FARS2: variants seen among roughly 807,000 people sequenced by gnomAD.
FARS2 encodes the protein phenylalanine--tRNA ligase, mitochondrial.
FARS2 carries 40 observed loss-of-function variants against 46.4 expected under a neutral mutation model. That is an observed-to-expected ratio of 0.86 (90% CI 0.67 to 1.12). The LOEUF (loss-of-function observed/expected upper bound fraction) is 1.12, where lower values mean the gene tolerates loss of function less well. Ranked by LOEUF, FARS2 falls within the 50% of genes most tolerant of loss-of-function variation. The pLI is 0.00. For synonymous variants in FARS2, 234 were observed against 214.9 expected, an observed-to-expected ratio of 1.09 and a Z score of -0.78; for missense variants, 513 against 567.9, an observed-to-expected ratio of 0.90 and a Z score of 0.98.
chr6:5,341,499 CTTTA>C (rs1771651209), intron 1 of FARS2, among the ~76,000 whole-genome samples: 1 of 150,748 alleles, frequency 6.6e-6, no homozygotes, highest in Non-Finnish European at 1.5e-5. Context: ...TTTATCATGA[CTTTA>C]TTTATTTATT....
At chr6:5,397,569 A>G (rs1374396896) in intron 2 of FARS2, among the ~76,000 whole-genome samples, 1 of 152,196 alleles carries the variant, frequency 6.6e-6, no homozygotes, top group Non-Finnish European at 1.5e-5. Flanking sequence ...ATATCTCTGT[A>G]TCTTCCTCTC....
intron 6 of FARS2, among the ~76,000 whole-genome samples, chr6:5,614,654 C>T (rs1455660393): frequency 6.6e-6 from 1 of 152,222 alleles, no homozygotes; most frequent in African/African-American, 2.4e-5. Context: ...CCGCCTGGGC[C>T]TCCCAAAGTG....
At chr6:5,562,855 G>A (rs1375438227) in intron 5 of FARS2, among the ~76,000 whole-genome samples, 1 of 148,802 alleles carries the variant, frequency 6.7e-6, no homozygotes, top group African/African-American at 2.5e-5. Flanking sequence ...CCAGGCCGGA[G>A]TGCAATGGCG....
At chr6:5,511,751 C>G (rs894079574) in intron 4 of FARS2, among the ~76,000 whole-genome samples, 93 of 152,136 alleles carry the variant, frequency 6.1e-4, no homozygotes, top group African/African-American at 2.2e-3. Context: ...TGACTCATGC[C>G]TCTGTTATAT....
At chr6:5,336,858 A>C (rs1021636927) in intron 1 of FARS2, among the ~76,000 whole-genome samples, 4 of 152,170 alleles carry the variant, frequency 2.6e-5, no homozygotes, top group African/African-American at 9.6e-5. Flanking sequence ...GTTTGTAAAC[A>C]TCAGAAGTTT....
At chr6:5,517,264 T>C (rs1024568684) in intron 4 of FARS2, among the ~76,000 whole-genome samples, 2 of 152,222 alleles carry the variant, frequency 1.3e-5, no homozygotes, top group Admixed American at 1.3e-4. Context: ...CACATGTGGC[T>C]AGTGAACACT....
At chr6:5,730,220 G>A (rs755727302) in intron 6 of FARS2, among the ~76,000 whole-genome samples, 23 of 152,222 alleles carry the variant, frequency 1.5e-4, no homozygotes, top group Non-Finnish European at 2.6e-4. Context: ...TGGGACAGCA[G>A]TGCCTTGGGA....
chr6:5,462,311 G>A (rs2150302865), intron 4 of FARS2, among the ~76,000 whole-genome samples: 1 of 151,990 alleles, frequency 6.6e-6, no homozygotes, highest in East Asian at 1.9e-4. Flanking sequence ...TTTATTATAT[G>A]TATGATTGCT....
chr6:5,574,953 G>C (rs1772871325), intron 5 of FARS2, among the ~76,000 whole-genome samples: 1 of 141,202 alleles, frequency 7.1e-6, no homozygotes, highest in Admixed American at 7.0e-5. Context: ...GTTTACGTTT[G>C]ATTGAAAAAA....
chr6:5,354,658 C>T (rs1298352797), intron 1 of FARS2, among the ~76,000 whole-genome samples: 3 of 151,948 alleles, frequency 2.0e-5, no homozygotes, highest in Non-Finnish European at 1.5e-5. Flanking sequence ...GGACTACAGG[C>T]GCCCGCCACC....
intron 3 of FARS2, among the ~76,000 whole-genome samples, chr6:5,415,310 C>CTTTTTTTTTTTTTT (rs773981175): frequency 1.9e-5 from 1 of 53,636 alleles, no homozygotes; most frequent in African/African-American, 6.9e-5. Context: ...CTTTTCTTTT[C>CTTTTTTTTTTTTTT]TTTTTTTTTT....
rs1284870452 is a variant in FARS2, at chr6:5,613,201, T to C, written c.1098T>C (p.Asp366=). The part of the protein sequence containing the change: ...PLSKYPAVIN[D]ISFWLPSENY... ...GCAAATATCCGGCTGTGATCAATGA[T>C]ATTTCATTCTGGTTGCCCTCTGAGA... Residue 366 remains aspartate (D), a synonymous_variant, in exon 6 of 7, where the codon GAT becomes GAC. Coordinates refer to ENST00000274680, the MANE Select transcript of FARS2 (RefSeq NM_006567.5). 1 of 1,613,380 alleles carries C rather than the reference T, an allele frequency of 6.2e-7. No homozygotes were observed. The highest frequency in any genetic ancestry group is 1.1e-5 in the South Asian group (1 of 91,006).
At chr6:5,663,241 CT>C (rs1252611672) in intron 6 of FARS2, among the ~76,000 whole-genome samples, 2 of 152,312 alleles carry the variant, frequency 1.3e-5, no homozygotes, top group East Asian at 3.9e-4. Context: ...GCCCCCCTGG[CT>C]ACTGAATGGC....
chr6:5,609,901 G>C, intron 5 of FARS2: 3 of 1,024,566 alleles, frequency 2.9e-6, no homozygotes. Context: ...AGTTAAGTGG[G>C]CATCTGGTGT....
intron 5 of FARS2, among the ~76,000 whole-genome samples, chr6:5,591,650 T>A (rs749052845): frequency 6.6e-5 from 10 of 152,216 alleles, no homozygotes; most frequent in Non-Finnish European, 1.0e-4. Flanking sequence ...GGTTTGCTGA[T>A]GGAAATGCTG....
chr6:5,670,774 C>T (rs1221396337), intron 6 of FARS2, among the ~76,000 whole-genome samples: 3 of 152,100 alleles, frequency 2.0e-5, no homozygotes, highest in African/African-American at 4.8e-5. Context: ...TGCTGCCATG[C>T]AGTGTCATCG....
rs745795872 is a variant in FARS2 at position 5,727,301 on chromosome 6, A to G, written c.1218-43990A>G. 3.9e-5 allele frequency among the ~76,000 whole-genome samples: 6 copies of G among 152,116 alleles called. No individual in the cohort carries two copies. The highest frequency in any genetic ancestry group is 1.4e-4 in the African/African-American group (6 of 41,398). ...GTTGGACCCCGTTCCTCTGCACAGA[A>G]CTTTCCCTCCTCCCTTGGTCTCCTG... On this transcript the variant is annotated intron_variant, in intron 6 of 6. Transcript: ENST00000274680. This position sits in a 1 kb window ranked among gnomAD's most constrained non-coding sequence, Gnocchi z 4.1.
chr6:5,618,226 A>G (rs541289312), intron 6 of FARS2, among the ~76,000 whole-genome samples: 1 of 151,872 alleles, frequency 6.6e-6, no homozygotes, highest in Admixed American at 6.6e-5. Context: ...GAAGACTCTG[A>G]CTCCCAAATT....
intron 6 of FARS2, among the ~76,000 whole-genome samples, chr6:5,715,942 G>T (rs1201698340): frequency 6.6e-6 from 1 of 152,056 alleles, no homozygotes; most frequent in Non-Finnish European, 1.5e-5. Flanking sequence ...GTGTATGAGG[G>T]TTCAAATTTC....
Sources: gnomAD v4.1 joint callset for allele counts (sites outside exome capture counted in the v4.1 genomes callset) on GRCh38, gnomAD v4.1.1 for gene constraint, Gnocchi (gnomAD v3.1) non-coding constraint, MANE v1.5 for transcripts, NCBI Gene and HGNC (gene_info 2026-07-23, HGNC 2026-07-21) for gene names.